KANK4: variants seen among roughly 807,000 people sequenced by gnomAD.
KANK4 encodes KN motif and ankyrin repeat domain-containing protein 4.
A neutral mutation model predicts 80.8 loss-of-function variants in KANK4; 50 were observed. That is an observed-to-expected ratio of 0.62 (90% CI 0.49 to 0.78). The LOEUF is 0.78. KANK4 is among the 30% of genes least tolerant of loss of function. The pLI, the probability that KANK4 is intolerant of heterozygous loss-of-function variation, is 0.00. For missense variants in KANK4, 1,196 were observed against 1,240.1 expected, an observed-to-expected ratio of 0.96 and a Z score of 0.53; for synonymous variants, 465 against 506.9, an observed-to-expected ratio of 0.92 and a Z score of 1.11.
In KANK4 at chr1:62,274,041, C is replaced by T; in HGVS notation, c.1063G>A (p.Glu355Lys). The change falls in exon 3 of 10, where the codon GAG (glutamate) becomes AAG (lysine). Residue 355 changes from glutamate to lysine, a missense_variant. Physicochemically the swap from Glu to Lys is moderately conservative, Grantham distance 56. Transcript: ENST00000371153. ...LKQQVSALEG[E>K]LSGRTEELAQ... ...AGTTCCTCGGTTCTTCCAGACAACT[C>T]TCCCTCCAGGGCCGAGACCTGCTGT... The T allele has an allele frequency of 1.9e-6, 3 of 1,614,232 alleles. No individual in the cohort carries two copies. Among genetic ancestry groups the T allele is most frequent in the Non-Finnish European group, 2.5e-6 (3 of 1,180,052 alleles).
intron 9 of KANK4, among the ~76,000 whole-genome samples, chr1:62,245,630 A>T (rs2149116904): frequency 6.6e-6 from 1 of 152,332 alleles, no homozygotes; most frequent in Admixed American, 6.5e-5. Flanking sequence ...TCTGCGAATC[A>T]GTAGCTTGAA....
rs562525777 is a variant in KANK4 at position 62,273,664 on chromosome 1, T to C, written c.1440A>G (p.Pro480=). ...AGGTAAGGACCTGCTCGGGTCCCTG[T>C]GGCAGTGACAGCTGGGGCAGAAGCA... is the stretch of plus-strand genomic sequence containing the variant. The part of the protein sequence containing the change: ...ERVLLPQLSL[P]QGPEQVLTSS... Residue 480 remains proline (P), a synonymous_variant, in exon 3 of 10, where the codon CCA becomes CCG. Transcript: ENST00000371153. 2.6e-5 allele frequency: 42 copies of C among 1,614,148 alleles called. No individual in the cohort carries two copies. In the African/African-American group the frequency reaches 5.3e-4, roughly 20 times the overall value.
intron 1 of KANK4, among the ~76,000 whole-genome samples, chr1:62,313,740 C>A (rs1644516398): frequency 6.6e-6 from 1 of 152,098 alleles, no homozygotes; most frequent in Admixed American, 6.5e-5. Flanking sequence ...AGGACAAATA[C>A]CTAATGCATG....
At chr1:62,314,660 G>A (rs968802169) in intron 1 of KANK4, among the ~76,000 whole-genome samples, 1 of 151,116 alleles carries the variant, frequency 6.6e-6, no homozygotes, top group African/African-American at 2.4e-5. Context: ...CAGACACAAA[G>A]GATCCTTCCA....
chr1:62,308,182 A>T (rs1000088070), intron 1 of KANK4, among the ~76,000 whole-genome samples: 2 of 152,114 alleles, frequency 1.3e-5, no homozygotes, highest in Non-Finnish European at 2.9e-5. Flanking sequence ...TTTCTGCATG[A>T]TTCAGGCTCT....
chr1:62,296,463 C>A (rs772784462), intron 1 of KANK4, among the ~76,000 whole-genome samples: 4 of 152,190 alleles, frequency 2.6e-5, no homozygotes, highest in Non-Finnish European at 5.9e-5. Flanking sequence ...GGGATAACAG[C>A]CAAGAAAGCT....
At chr1:62,261,217 C>T (rs534559614) in intron 7 of KANK4, among the ~76,000 whole-genome samples, 15 of 142,548 alleles carry the variant, frequency 1.1e-4, no homozygotes, top group Non-Finnish European at 1.6e-4. Flanking sequence ...AGTGCAATGG[C>T]ACTATCTCAG....
chr1:62,257,488 C>G (rs1671779207), intron 7 of KANK4, among the ~76,000 whole-genome samples: 1 of 152,232 alleles, frequency 6.6e-6, no homozygotes, highest in Admixed American at 6.5e-5. Flanking sequence ...GACAGAGCAT[C>G]CTCTGACTCA....
intron 1 of KANK4, among the ~76,000 whole-genome samples, chr1:62,317,690 G>T (rs1263100499): frequency 6.6e-6 from 1 of 152,214 alleles, no homozygotes; most frequent in Non-Finnish European, 1.5e-5. Flanking sequence ...TCTGCAGACT[G>T]ACCGACTACT....
At chr1:62,269,351 G>T (rs11207951) in intron 4 of KANK4, among the ~76,000 whole-genome samples, 57,555 of 151,980 alleles carry the variant, frequency 0.38, 11,032 homozygotes, top group South Asian at 0.53. Flanking sequence ...ACAGAGACTG[G>T]TGGCCATGGC....
chr1:62,243,174 C>G (rs1461314747), intron 9 of KANK4, among the ~76,000 whole-genome samples: 6 of 152,124 alleles, frequency 3.9e-5, no homozygotes, highest in Admixed American at 3.9e-4. Context: ...CCCTCCCTTC[C>G]AGGCTTACAG....
At chr1:62,240,625 C>A (rs544545540) in intron 9 of KANK4, among the ~76,000 whole-genome samples, 1 of 152,060 alleles carries the variant, frequency 6.6e-6, no homozygotes, top group Non-Finnish European at 1.5e-5. Flanking sequence ...GACAAGATTG[C>A]GCCATTGCAC....
intron 7 of KANK4, among the ~76,000 whole-genome samples, chr1:62,255,236 T>C (rs927718717): frequency 6.6e-6 from 1 of 152,110 alleles, no homozygotes; most frequent in African/African-American, 2.4e-5. Flanking sequence ...TTAAAGAAAG[T>C]TCTGCTTTGT....
At chr1:62,299,825 T>G (rs1644396889) in intron 1 of KANK4, among the ~76,000 whole-genome samples, 2 of 152,172 alleles carry the variant, frequency 1.3e-5, no homozygotes, top group Non-Finnish European at 2.9e-5. Flanking sequence ...TGTTCACCTC[T>G]GGACTTTTCT....
At chr1:62,292,460 T>G (rs1227301485) in intron 1 of KANK4, among the ~76,000 whole-genome samples, 2 of 152,196 alleles carry the variant, frequency 1.3e-5, no homozygotes, top group African/African-American at 2.4e-5. Flanking sequence ...TATTACCTAT[T>G]GTTCAAATCC....
intron 1 of KANK4, among the ~76,000 whole-genome samples, chr1:62,313,933 T>C (rs902650844): frequency 2.0e-5 from 3 of 152,212 alleles, no homozygotes; most frequent in Non-Finnish European, 4.4e-5. Context: ...ACGTCGTACC[T>C]AATAACTGTA....
chr1:62,264,109 G>C (rs1368013209), intron 6 of KANK4, among the ~76,000 whole-genome samples: 1 of 152,140 alleles, frequency 6.6e-6, no homozygotes, highest in Non-Finnish European at 1.5e-5. Context: ...TCACTGAATC[G>C]ATGTGACACA....
chr1:62,277,202 C>T (rs561701539), intron 2 of KANK4, among the ~76,000 whole-genome samples: 1 of 152,192 alleles, frequency 6.6e-6, no homozygotes, highest in Admixed American at 6.5e-5. Context: ...GTACAGGCTT[C>T]TTCCCTGACT....
chr1:62,247,344 T>TGC (rs1671490609), intron 9 of KANK4, 128 bp downstream of exon 9: 1 of 725,108 alleles, frequency 1.4e-6, no homozygotes, highest in African/African-American at 1.8e-5. Context: ...CTCCCTATGT[T>TGC]GCCTAGGCTG....
Sources: allele counts gnomAD v4.1 joint callset (sites outside exome capture counted in the v4.1 genomes callset), GRCh38; gene constraint gnomAD v4.1.1; transcripts MANE v1.5; gene names NCBI Gene and HGNC (gene_info 2026-07-23, HGNC 2026-07-21).